SLC28A1: variants seen among roughly 807,000 people sequenced by gnomAD.
SLC28A1 encodes the protein sodium/nucleoside cotransporter 1.
Under a neutral mutation model 74.8 loss-of-function variants are expected in SLC28A1, and 64 were observed. That is an observed-to-expected ratio of 0.86 (90% CI 0.70 to 1.05). The LOEUF (loss-of-function observed/expected upper bound fraction) is 1.05. Among genes scored for constraint, SLC28A1 ranks in the 50% least tolerant of loss-of-function variants. The pLI, the probability that SLC28A1 is intolerant of heterozygous loss-of-function variation, is 0.00. For synonymous variants in SLC28A1, 359 were observed against 335.0 expected (o/e 1.07, Z -0.78); for missense variants, 828 against 822.8 (o/e 1.01, Z -0.08).
In SLC28A1 at chr15:84,943,455, A is replaced by C; in HGVS notation, c.1592A>C (p.Glu531Ala). The C allele has an allele frequency of 6.2e-7, 1 of 1,613,836 alleles. No homozygotes were observed. Among genetic ancestry groups the C allele is most frequent in the Non-Finnish European group, 8.5e-7 (1 of 1,179,774 alleles). ...CTTCTGTATTTTCAGGTCAGAGCTG[A>C]AGTCCTCACGACGTTTGCCCTCTGT... The part of the protein sequence containing the change: ...DRKQWISVRA[E>A]VLTTFALCGF... The change falls in exon 16 of 19, where the codon GAA becomes GCA. Residue 531 changes from glutamate to alanine, a missense_variant. Glu to Ala is a moderately radical substitution (Grantham distance 107). Transcript: ENST00000394573.
At chr15:84,917,445 A>G (rs1486106040) in intron 9 of SLC28A1, among the ~76,000 whole-genome samples, 1 of 151,786 alleles carries the variant, frequency 6.6e-6, no homozygotes, top group Non-Finnish European at 1.5e-5. Context: ...CCTCACACAC[A>G]TGCTTTTGGA....
At chr15:84,952,719 CTACAAAAAAA>C in the SLC28A1 span, among the ~76,000 whole-genome samples, 1 of 151,958 alleles carries the variant, frequency 6.6e-6, no homozygotes, top group Non-Finnish European at 1.5e-5. Flanking sequence ...AACCAAGTCT[CTACAAAAAAA>C]TACAAAAAAA....
chr15:84,946,263 C>A (rs1231831203), downstream of SLC28A1, among the ~76,000 whole-genome samples: 3 of 150,268 alleles, frequency 2.0e-5, no homozygotes, highest in African/African-American at 7.3e-5. Context: ...CCCATAAGAA[C>A]CTTTTTGATG....
At chr15:84,935,686 C>T (rs1187751129) in intron 15 of SLC28A1, among the ~76,000 whole-genome samples, 168 bp downstream of exon 15, 2 of 152,318 alleles carry the variant, frequency 1.3e-5, no homozygotes, top group East Asian at 3.9e-4. Context: ...CTTCAGGCTT[C>T]GCTGCCATCT....
At chr15:84,905,761 G>T (rs67047009) in intron 8 of SLC28A1, 109 bp downstream of exon 8, 219,487 of 849,650 alleles carry the variant, frequency 0.26, 31,421 homozygotes, top group South Asian at 0.42. Context: ...GAAGGCTTGG[G>T]ACCTGGAGGG....
intron 10 of SLC28A1, 107 bp from the exon 11 acceptor site, chr15:84,920,882 C>T (rs747556389): frequency 5.4e-5 from 47 of 866,422 alleles, no homozygotes; most frequent in Non-Finnish European, 8.9e-5. Flanking sequence ...GGGTCCTACA[C>T]TGGGCTGGGA....
At chr15:84,950,147 C>T (rs2079367827), downstream of SLC28A1, among the ~76,000 whole-genome samples, 1 of 152,134 alleles carries the variant, frequency 6.6e-6, no homozygotes, top group South Asian at 2.1e-4. Context: ...CAAGGAAAGG[C>T]AGCGCTTGGA....
chr15:84,943,474 C>T lies in SLC28A1; in HGVS notation c.1611C>T (p.Ala537=), dbSNP rs1214531007. Residue 537 remains alanine, a synonymous_variant, in exon 16 of 19, where the codon GCC becomes GCT. Transcript: ENST00000394573. ...SVRAEVLTTF[A]LCGFANFSSI... is the part of the protein sequence containing the mutation. Reference sequence around the variant, plus strand: ...GAGCTGAAGTCCTCACGACGTTTGCCCTCTGTGGATTTGCCAATTTCAGCT... The same window carrying T: ...GAGCTGAAGTCCTCACGACGTTTGCTCTCTGTGGATTTGCCAATTTCAGCT... 1.9e-6 allele frequency: 3 copies of T among 1,614,094 alleles called. No individual in the cohort carries two copies. In the East Asian group the frequency reaches 6.7e-5, roughly 36 times the overall value.
Position 84,908,705 on chromosome 15 carries a change from T to C in SLC28A1, c.718-13T>C. The C allele has an allele frequency of 6.2e-7, 1 of 1,611,888 alleles. No homozygotes were observed. Among genetic ancestry groups the C allele is most frequent in the Non-Finnish European group, 8.5e-7 (1 of 1,179,386 alleles). On this transcript the variant is annotated splice_polypyrimidine_tract_variant and intron_variant, in intron 8 of 18. Transcript: ENST00000394573. ...CACTGCCTGTTTTTGTTTGTTTTGC[T>C]TTTTTCTTTCAGATCTTCCTGAGCT... is the stretch of plus-strand genomic sequence containing the variant.
chr15:84,947,707 C>A (rs73441971), downstream of SLC28A1, among the ~76,000 whole-genome samples: 1,344 of 152,294 alleles, frequency 8.8e-3, 13 homozygotes, highest in African/African-American at 0.024. Flanking sequence ...AATGAGATCC[C>A]TGGGGCCTCT....
chr15:84,957,423 C>T, the SLC28A1 span, among the ~76,000 whole-genome samples: 2 of 152,154 alleles, frequency 1.3e-5, no homozygotes, highest in Middle Eastern at 3.2e-3. Context: ...AACGCCACCA[C>T]GCCCAGCTAA....
chr15:84,916,689 C>A lies in SLC28A1; in HGVS notation c.796-1835C>A, dbSNP rs528889859. Among the ~76,000 whole-genome samples the A allele has an allele frequency of 2.5e-4, 38 of 152,286 alleles. No homozygotes were observed. In the South Asian group the frequency reaches 7.9e-3, roughly 32 times the overall value. On this transcript the variant is annotated intron_variant, in intron 9 of 18. Transcript: ENST00000394573. ...CAAACTGATCTTCCCACAAACCTCT[C>A]CTGCCTATGCTCCTTCCCTTGAGAA...
intron 12 of SLC28A1, among the ~76,000 whole-genome samples, chr15:84,928,594 CTTTCTTTCTTTTCTT>C (rs1970859801): frequency 6.0e-5 from 1 of 16,566 alleles, no homozygotes. Context: ...TTCTTTCTTT[CTTTCTTTCTTTTCTT>C]TCTTTCTTTT....
Position 84,895,052 on chromosome 15 carries a change from G to A in SLC28A1, c.390G>A (p.Arg130=). 1 of 1,612,140 alleles carries A rather than the reference G, an allele frequency of 6.2e-7. No individual in the cohort carries two copies. The part of the protein sequence containing the change: ...LTFLGHRLLK[R]LLGPKLRRFL... ...TCCTGGGCCACCGCCTGCTGAAACG[G>A]CTTCTGGGGCCAAAGCTGAGGAGGT... The change falls in exon 6 of 19, where the codon CGG becomes CGA. Residue 130 remains arginine (R), a synonymous_variant. Coordinates refer to ENST00000394573, the MANE Select transcript of SLC28A1 (RefSeq NM_004213.5).
downstream of SLC28A1, among the ~76,000 whole-genome samples, chr15:84,948,255 T>C (rs2079300476): frequency 6.6e-6 from 1 of 152,212 alleles, no homozygotes; most frequent in Non-Finnish European, 1.5e-5. Flanking sequence ...ATGAAGAATA[T>C]CATCTGCTTG....
rs112174049 is a variant in SLC28A1, at chr15:84,922,598, G to A, written c.958-1387G>A. Among the ~76,000 whole-genome samples the A allele has an allele frequency of 2.0e-3, 311 of 152,118 alleles. 1 individual carries two copies. Among genetic ancestry groups the A allele is most frequent in the African/African-American group, 4.9e-3 (204 of 41,502 alleles). ...CCTCTTCTTCCTTCCCGTACTATCC[G>A]TCCTTCACTCATACACCCGAGTGAC... On this transcript the variant is annotated intron_variant, in intron 11 of 18. Coordinates refer to ENST00000394573, the MANE Select transcript of SLC28A1 (RefSeq NM_004213.5).
chr15:84,886,309 G>A, intron 1 of SLC28A1: 1 of 984,996 alleles, frequency 1.0e-6, no homozygotes, highest in Non-Finnish European at 1.2e-6. Context: ...GGGAGATAGA[G>A]AAAGATGCAA....
chr15:84,974,951 C>A, the SLC28A1 span, among the ~76,000 whole-genome samples: 1 of 152,126 alleles, frequency 6.6e-6, no homozygotes, highest in African/African-American at 2.4e-5. Context: ...TAACATGGTA[C>A]AGGGCATCAG....
intron 8 of SLC28A1, among the ~76,000 whole-genome samples, chr15:84,907,842 A>G (rs1289760569): frequency 1.3e-5 from 2 of 151,066 alleles, no homozygotes; most frequent in Non-Finnish European, 2.9e-5. Flanking sequence ...CCTCACTGAC[A>G]GTAACTGTAC....
Sources: allele counts gnomAD v4.1 joint callset (sites outside exome capture counted in the v4.1 genomes callset), GRCh38; gene constraint gnomAD v4.1.1; transcripts MANE v1.5; gene names NCBI Gene and HGNC (gene_info 2026-07-23, HGNC 2026-07-21).